The following STX18 variants were observed in gnomAD, a reference collection of about 807,000 sequenced individuals.
The protein encoded by STX18 is syntaxin-18.
STX18 carries 40 observed loss-of-function variants against 50.1 expected under a neutral mutation model. The ratio of observed to expected loss-of-function variants is 0.80; its 90% CI spans 0.62 to 1.04. The LOEUF (loss-of-function observed/expected upper bound fraction) is 1.04. STX18 is among the 50% of genes least tolerant of loss of function. The pLI, the probability that STX18 is intolerant of heterozygous loss-of-function variation, is 0.00. For synonymous variants in STX18, 158 were observed against 151.8 expected, an observed-to-expected ratio of 1.04 and a Z score of -0.30; for missense variants, 410 against 415.8, an observed-to-expected ratio of 0.99 and a Z score of 0.12.
intron 5 of STX18, among the ~76,000 whole-genome samples, chr4:4,442,844 CAG>C (rs1312372706): frequency 1.5e-5 from 2 of 132,406 alleles, no homozygotes; most frequent in African/African-American, 5.4e-5. Flanking sequence ...GTAAAGCAGA[CAG>C]AGAAAAAGAC....
In STX18 at chr4:4,499,541, T is replaced by C. The variant is rs906968296; in HGVS notation, c.169-27835A>G. 6.3e-5 allele frequency: 62 copies of C among 985,326 alleles called. 1 individual carries two copies. In the African/African-American group the frequency reaches 1.0e-3, roughly 17 times the overall value. 61.0% of individuals were successfully genotyped at this position (985,326 alleles called of 1,614,324 possible). Reference sequence around the variant, plus strand: ...ACAGCAAAATGGATCCCAGCAAGCCTAGCACTGATTAAAGCTGCATTTTCA... The same window carrying C: ...ACAGCAAAATGGATCCCAGCAAGCCCAGCACTGATTAAAGCTGCATTTTCA... On this transcript the variant is annotated intron_variant, in intron 1 of 10. Transcript: ENST00000306200.
intron 1 of STX18, among the ~76,000 whole-genome samples, chr4:4,532,792 T>C (rs191176876): frequency 6.6e-5 from 10 of 152,354 alleles, no homozygotes; most frequent in African/African-American, 1.4e-4. Context: ...AGTTAAGATA[T>C]GCTGTAGCCT....
chr4:4,471,229 C>A (rs557650418), intron 2 of STX18, among the ~76,000 whole-genome samples: 1 of 152,300 alleles, frequency 6.6e-6, no homozygotes, highest in Admixed American at 6.5e-5. Flanking sequence ...AGAACGTCAC[C>A]AAACCAGCAA....
In STX18 at chr4:4,420,873, G is replaced by A. The variant is rs564066418; in HGVS notation, c.903C>T (p.Asp301=). 1.9e-6 allele frequency: 3 copies of A among 1,614,108 alleles called. No individual in the cohort carries two copies. The highest frequency in any genetic ancestry group is 2.2e-5 in the South Asian group (2 of 91,074). The change falls in exon 10 of 11, where the codon GAC becomes GAT. Residue 301 remains aspartate, a synonymous_variant. Transcript: ENST00000306200. The surrounding 1 kb of genome is among the most constrained non-coding windows in gnomAD (Gnocchi z 4.3). ...CCTAAACAGTGCCTACCTCTCTTAT[G>A]TCTTCGTTGCCTTCCTTGATATTTT... ...ATENIKEGNE[D]IREAIKNNAG...
chr4:4,512,177 C>T (rs1184095852), intron 1 of STX18, among the ~76,000 whole-genome samples: 2 of 152,096 alleles, frequency 1.3e-5, no homozygotes, highest in Non-Finnish European at 2.9e-5. Context: ...TTTAAAACTC[C>T]TCTAGAACTC....
intron 2 of STX18, among the ~76,000 whole-genome samples, chr4:4,465,056 T>C (rs1362451915): frequency 1.3e-5 from 2 of 152,212 alleles, no homozygotes; most frequent in Non-Finnish European, 2.9e-5. Context: ...AGCTTTTTGA[T>C]GTGGGCATTT....
chr4:4,492,523 A>G (rs1728988112), intron 1 of STX18, among the ~76,000 whole-genome samples: 1 of 152,174 alleles, frequency 6.6e-6, no homozygotes, highest in Admixed American at 6.5e-5. Flanking sequence ...AGCATTTGAC[A>G]ATAACAATTA....
chr4:4,529,134 C>G (rs1010790784), intron 1 of STX18, among the ~76,000 whole-genome samples: 2 of 152,048 alleles, frequency 1.3e-5, no homozygotes, highest in African/African-American at 4.8e-5. Context: ...GAGGCTGAGA[C>G]GGGCGGATCA....
At chr4:4,541,674 T>G in intron 1 of STX18, 123 bp downstream of exon 1, 1 of 1,119,816 alleles carries the variant, frequency 8.9e-7, no homozygotes, top group Non-Finnish European at 1.2e-6. Context: ...CCAACTCTTC[T>G]GTCCCCCTTA....
intron 2 of STX18, among the ~76,000 whole-genome samples, chr4:4,460,823 G>A (rs1484523372): frequency 6.6e-6 from 1 of 152,140 alleles, no homozygotes; most frequent in Non-Finnish European, 1.5e-5. Context: ...GTGAGACAAA[G>A]GCGCTAAGCC....
rs570534465 is a variant in STX18 at position 4,420,104 on chromosome 4, C to T, written c.938G>A (p.Arg313His). ...CACGAGGAAGAAGAGGATCCACACG[C>T]GGAAGCCAGCGTTGTTTTTAATGGC... ...REAIKNNAGF[R>H]VWILFFLVMC... The change falls in exon 11 of 11, where the codon CGC becomes CAC. Residue 313 changes from arginine to histidine, a missense_variant. Coordinates refer to ENST00000306200, the MANE Select transcript of STX18 (RefSeq NM_016930.4). The surrounding 1 kb of genome is among the most constrained non-coding windows in gnomAD (Gnocchi z 4.3). The T allele has an allele frequency of 5.6e-6, 9 of 1,612,884 alleles. No homozygotes were observed. Among genetic ancestry groups the T allele is most frequent in the African/African-American group, 2.7e-5 (2 of 74,996 alleles).
intron 1 of STX18, among the ~76,000 whole-genome samples, chr4:4,496,608 T>G (rs2108871533): frequency 6.6e-6 from 1 of 152,318 alleles, no homozygotes; most frequent in South Asian, 2.1e-4. Flanking sequence ...AGCTGAGGCC[T>G]AACATATTTG....
intron 1 of STX18, among the ~76,000 whole-genome samples, chr4:4,536,869 C>T (rs574462822): frequency 3.3e-5 from 5 of 152,336 alleles, no homozygotes; most frequent in Admixed American, 2.6e-4. Context: ...AATTCAGGAT[C>T]ATTATTACCT....
Position 4,424,090 on chromosome 4 carries a change from A to T in STX18, c.762-503T>A, listed in dbSNP as rs1725112289. ...AAACCAACTCCCTGTTCCAAGAAAA[A>T]AGCTCCTCTGATTCATTTAGAAAAT... On this transcript the variant is annotated intron_variant, in intron 8 of 10. Coordinates refer to ENST00000306200, the MANE Select transcript of STX18 (RefSeq NM_016930.4). 4.6e-5 allele frequency among the ~76,000 whole-genome samples: 7 copies of T among 151,054 alleles called. No homozygotes were observed. In the South Asian group the frequency reaches 1.5e-3, roughly 31 times the overall value.
upstream of STX18, chr4:4,542,178 C>T (rs2108942609): frequency 3.7e-6 from 2 of 535,542 alleles, no homozygotes; most frequent in Admixed American, 4.2e-5. Flanking sequence ...GGAGGAACCT[C>T]GCGACGCGCT....
intron 5 of STX18, among the ~76,000 whole-genome samples, chr4:4,439,070 A>G (rs1304147544): frequency 6.7e-6 from 1 of 149,420 alleles, no homozygotes; most frequent in African/African-American, 2.5e-5. Flanking sequence ...ATATATACCC[A>G]CACACATATA....
intron 1 of STX18, among the ~76,000 whole-genome samples, chr4:4,540,658 T>C (rs947424426): frequency 1.3e-5 from 2 of 152,206 alleles, no homozygotes; most frequent in African/African-American, 4.8e-5. Flanking sequence ...CCACCACTGC[T>C]TTTACATCAT....
intron 1 of STX18, among the ~76,000 whole-genome samples, chr4:4,531,345 ATCT>A (rs1334061712): frequency 1.3e-5 from 2 of 152,110 alleles, no homozygotes; most frequent in African/African-American, 4.8e-5. Flanking sequence ...ATTTATCCAA[ATCT>A]TCTGTATCTG....
At chr4:4,460,778 G>C (rs1247836333) in intron 2 of STX18, among the ~76,000 whole-genome samples, 1 of 152,138 alleles carries the variant, frequency 6.6e-6, no homozygotes, top group Non-Finnish European at 1.5e-5. Context: ...TGGCAACCAT[G>C]AGAGAATGGA....
Sources: allele counts gnomAD v4.1 joint callset (sites outside exome capture counted in the v4.1 genomes callset), GRCh38; gene constraint gnomAD v4.1.1; non-coding constraint Gnocchi (gnomAD v3.1); transcripts MANE v1.5; gene names NCBI Gene and HGNC (gene_info 2026-07-23, HGNC 2026-07-21).